The following LHFPL6 variants were observed in gnomAD, a reference collection of about 807,000 sequenced individuals.
LHFPL6 encodes LHFPL tetraspan subfamily member 6 protein.
In LHFPL6, 9 loss-of-function variants were observed where a neutral mutation model predicts 20.6. The observed-to-expected ratio is 0.44, with a 90% CI of 0.26 to 0.76. The LOEUF is 0.76. LHFPL6 is among the 30% of genes least tolerant of loss of function. The probability of loss-of-function intolerance (pLI) is 0.20; values close to 1 mark genes in which losing one functional copy is unlikely to be tolerated. For synonymous variants in LHFPL6, 105 were observed against 98.7 expected (o/e 1.06, Z -0.38); for missense variants, 218 against 253.5 (o/e 0.86, Z 0.95).
chr13:39,503,293 T>C (rs1376470403), intron 2 of LHFPL6, among the ~76,000 whole-genome samples: 3 of 152,238 alleles, frequency 2.0e-5, no homozygotes, highest in African/African-American at 7.2e-5. Context: ...GCCTTTGCAC[T>C]GACTGTTCCC....
intron 2 of LHFPL6, among the ~76,000 whole-genome samples, chr13:39,421,236 A>C (rs1298223415): frequency 6.6e-6 from 1 of 152,228 alleles, no homozygotes; most frequent in Non-Finnish European, 1.5e-5. Context: ...AGTGATGCTC[A>C]GGTATCATAT....
chr13:39,491,089 T>C (rs983246578), intron 2 of LHFPL6, among the ~76,000 whole-genome samples: 1 of 152,222 alleles, frequency 6.6e-6, no homozygotes, highest in African/African-American at 2.4e-5. Context: ...ATGGCACATA[T>C]ACACTACTCC....
intron 2 of LHFPL6, among the ~76,000 whole-genome samples, chr13:39,476,216 G>A (rs1327102883): frequency 6.6e-6 from 1 of 152,100 alleles, no homozygotes; most frequent in Non-Finnish European, 1.5e-5. Context: ...TTTTAATAGA[G>A]ACTGTGTCTC....
chr13:39,348,810 C>A (rs1869481026), intron 3 of LHFPL6, among the ~76,000 whole-genome samples: 1 of 152,200 alleles, frequency 6.6e-6, no homozygotes. Context: ...ACTCTCCCCA[C>A]ACTACCCTCT....
intron 3 of LHFPL6, among the ~76,000 whole-genome samples, chr13:39,359,106 G>T (rs982781668): frequency 8.0e-5 from 12 of 150,762 alleles, no homozygotes; most frequent in Admixed American, 7.9e-4. Flanking sequence ...ATGTTTCAGT[G>T]AGCCGAGATC....
intron 2 of LHFPL6, among the ~76,000 whole-genome samples, chr13:39,388,211 T>G (rs903627961): frequency 2.6e-5 from 4 of 152,248 alleles, no homozygotes; most frequent in African/African-American, 9.6e-5. Flanking sequence ...TACTTCGGGT[T>G]TCCTTAAAAT....
chr13:39,586,082 T>A (rs1162668926), intron 2 of LHFPL6, among the ~76,000 whole-genome samples: 2 of 152,092 alleles, frequency 1.3e-5, no homozygotes, highest in East Asian at 3.8e-4. Flanking sequence ...AAGAATAGAT[T>A]CATTAAAACA....
At chr13:39,394,581 A>G (rs1486721911) in intron 2 of LHFPL6, among the ~76,000 whole-genome samples, 1 of 152,224 alleles carries the variant, frequency 6.6e-6, no homozygotes, top group Non-Finnish European at 1.5e-5. Context: ...TTTTCCTTGT[A>G]CCTACTGAAA....
chr13:39,593,961 C>T (rs1465437343), intron 2 of LHFPL6, among the ~76,000 whole-genome samples: 1 of 152,036 alleles, frequency 6.6e-6, no homozygotes, highest in African/African-American at 2.4e-5. Flanking sequence ...ATACAAAAAT[C>T]AATTCAAGAT....
intron 2 of LHFPL6, among the ~76,000 whole-genome samples, chr13:39,391,651 T>C (rs1870711117): frequency 6.6e-6 from 1 of 152,128 alleles, no homozygotes; most frequent in Admixed American, 6.6e-5. Context: ...TTTCACTATT[T>C]ATGCTCATAT....
chr13:39,577,433 C>G (rs943044200), intron 2 of LHFPL6, among the ~76,000 whole-genome samples: 1 of 152,156 alleles, frequency 6.6e-6, no homozygotes, highest in Admixed American at 6.5e-5. Flanking sequence ...CTTCCAAGTA[C>G]AAGTTAAAAG....
intron 2 of LHFPL6, among the ~76,000 whole-genome samples, chr13:39,566,589 T>C (rs1284661250): frequency 6.6e-6 from 1 of 151,574 alleles, no homozygotes; most frequent in Non-Finnish European, 1.5e-5. Flanking sequence ...AAAAATTAGC[T>C]GGGCATGGTG....
intron 2 of LHFPL6, among the ~76,000 whole-genome samples, chr13:39,432,189 G>A (rs996297221): frequency 6.6e-6 from 1 of 152,164 alleles, no homozygotes; most frequent in Non-Finnish European, 1.5e-5. Flanking sequence ...GTGAGGAAAT[G>A]AGTTTCTTTT....
At chr13:39,410,794 A>G (rs191997499) in intron 2 of LHFPL6, among the ~76,000 whole-genome samples, 10 of 152,302 alleles carry the variant, frequency 6.6e-5, no homozygotes, top group African/African-American at 2.4e-4. Context: ...TCTTTGAAGA[A>G]TGTTAACATT....
intron 2 of LHFPL6, among the ~76,000 whole-genome samples, chr13:39,551,844 G>T (rs1871152336): frequency 6.6e-6 from 1 of 151,966 alleles, no homozygotes; most frequent in African/African-American, 2.4e-5. Flanking sequence ...TCAAAGTCAA[G>T]TTTCGACATC....
At chr13:39,589,710 T>C (rs1013963112) in intron 2 of LHFPL6, among the ~76,000 whole-genome samples, 1 of 152,198 alleles carries the variant, frequency 6.6e-6, no homozygotes, top group African/African-American at 2.4e-5. Flanking sequence ...ATCATTAACC[T>C]TAATAAAGGA....
intron 2 of LHFPL6, among the ~76,000 whole-genome samples, chr13:39,541,340 T>C (rs2138503935): frequency 6.6e-6 from 1 of 152,264 alleles, no homozygotes; most frequent in African/African-American, 2.4e-5. Context: ...GGCAAAAAAA[T>C]AAGCAAAACT....
intron 2 of LHFPL6, among the ~76,000 whole-genome samples, chr13:39,403,681 T>A (rs946816694): frequency 6.6e-6 from 1 of 152,222 alleles, no homozygotes; most frequent in African/African-American, 2.4e-5. Context: ...TAGATTTTTA[T>A]TGGTGAAAGT....
At chr13:39,495,779 A>ATTTTTTTTTTT in intron 2 of LHFPL6, among the ~76,000 whole-genome samples, 1 of 89,542 alleles carries the variant, frequency 1.1e-5, no homozygotes, top group Non-Finnish European at 2.2e-5. Context: ...TAACTCAATA[A>ATTTTTTTTTTT]TTTTTTTTTT....
Sources: gnomAD v4.1 joint callset for allele counts (sites outside exome capture counted in the v4.1 genomes callset) on GRCh38, gnomAD v4.1.1 for gene constraint, MANE v1.5 for transcripts, NCBI Gene and HGNC (gene_info 2026-07-23, HGNC 2026-07-21) for gene names.